XYLB: variants seen among roughly 807,000 people sequenced by gnomAD.
XYLB encodes xylulose kinase.
Under a neutral mutation model 78.7 loss-of-function variants are expected in XYLB, and 62 were observed. That is an observed-to-expected ratio of 0.79 (90% CI 0.64 to 0.97). XYLB has a LOEUF of 0.97. XYLB is among the 50% of genes least tolerant of loss of function. XYLB has a pLI of 0.00. For synonymous variants in XYLB, 245 were observed against 247.4 expected (o/e 0.99, Z 0.09); for missense variants, 687 against 676.8 (o/e 1.02, Z -0.17).
intron 2 of XYLB, among the ~76,000 whole-genome samples, chr3:38,358,795 A>T (rs906290900): frequency 3.3e-5 from 5 of 152,198 alleles, no homozygotes; most frequent in Non-Finnish European, 5.9e-5. Context: ...GTATCTTTTT[A>T]AAAAATCCAT....
intron 2 of XYLB, chr3:38,355,803 C>A: frequency 1.4e-6 from 1 of 703,624 alleles, no homozygotes; most frequent in Non-Finnish European, 2.6e-6. Context: ...TCCTGAATGA[C>A]TGCATGGAGC....
chr3:38,379,743 C>G (rs369689639), intron 15 of XYLB, among the ~76,000 whole-genome samples: 21 of 152,142 alleles, frequency 1.4e-4, no homozygotes, highest in African/African-American at 5.1e-4. Context: ...GGTCCCATTG[C>G]CTGTGGGACA....
At chr3:38,349,209 A>G (rs1307598585) in intron 2 of XYLB, among the ~76,000 whole-genome samples, 1 of 152,240 alleles carries the variant, frequency 6.6e-6, no homozygotes, top group Non-Finnish European at 1.5e-5. Context: ...TGTGGCAAGA[A>G]AGAGCATGGT....
chr3:38,402,234 G>A (rs1337076583), intron 18 of XYLB, among the ~76,000 whole-genome samples: 3 of 152,132 alleles, frequency 2.0e-5, no homozygotes, highest in Non-Finnish European at 4.4e-5. Flanking sequence ...GCCACCAAAG[G>A]AGACATTATC....
chr3:38,380,001 C>T (rs759416586), intron 15 of XYLB, among the ~76,000 whole-genome samples: 3 of 152,134 alleles, frequency 2.0e-5, no homozygotes, highest in Non-Finnish European at 2.9e-5. Context: ...AGGTAGAGGG[C>T]ATCACATGGT....
chr3:38,375,592 C>T (rs553571903), intron 12 of XYLB, among the ~76,000 whole-genome samples: 1 of 152,276 alleles, frequency 6.6e-6, no homozygotes, highest in Admixed American at 6.5e-5. Flanking sequence ...GAGCATTTAC[C>T]TCACATTGTT....
intron 2 of XYLB, among the ~76,000 whole-genome samples, chr3:38,359,745 A>G (rs1266475861): frequency 1.3e-5 from 2 of 152,204 alleles, no homozygotes; most frequent in Non-Finnish European, 2.9e-5. Flanking sequence ...TTGGCTGGAT[A>G]CTTAGGAATT....
At chr3:38,417,128 C>G (rs943829650), downstream of XYLB, among the ~76,000 whole-genome samples, 21 of 152,228 alleles carry the variant, frequency 1.4e-4, no homozygotes, top group African/African-American at 4.8e-4. Context: ...GAACTTTCTA[C>G]CTTGATAATA....
intron 10 of XYLB, among the ~76,000 whole-genome samples, chr3:38,374,184 G>A (rs964332835): frequency 2.6e-5 from 4 of 152,078 alleles, no homozygotes; most frequent in South Asian, 4.1e-4. Context: ...CTGCACTCTC[G>A]GAAGTGCCTG....
At chr3:38,358,633 C>T (rs555889202) in intron 2 of XYLB, among the ~76,000 whole-genome samples, 9 of 152,062 alleles carry the variant, frequency 5.9e-5, no homozygotes, top group East Asian at 5.8e-4. Flanking sequence ...TATGAGCCAC[C>T]GTGCCCAGCC....
At chr3:38,416,192 A>C (rs540134608), downstream of XYLB, among the ~76,000 whole-genome samples, 1 of 152,300 alleles carries the variant, frequency 6.6e-6, no homozygotes, top group African/African-American at 2.4e-5. Context: ...AACAAAACAA[A>C]AAAGAAGGGA....
At chr3:38,395,340 C>T (rs987930017) in intron 15 of XYLB, among the ~76,000 whole-genome samples, 165 bp from the exon 16 acceptor site, 2 of 152,142 alleles carry the variant, frequency 1.3e-5, no homozygotes, top group African/African-American at 4.8e-5. Flanking sequence ...TGTGACAGGC[C>T]TGCACACACA....
intron 14 of XYLB, 140 bp from the exon 15 acceptor site, chr3:38,379,106 C>A: frequency 1.3e-6 from 1 of 752,170 alleles, no homozygotes; most frequent in East Asian, 2.6e-5. Flanking sequence ...GTGTGACAGG[C>A]AAAGATAGTG....
At chr3:38,399,570 G>A (rs1708038522) in intron 17 of XYLB, among the ~76,000 whole-genome samples, 2 of 152,210 alleles carry the variant, frequency 1.3e-5, no homozygotes, top group Admixed American at 1.3e-4. Context: ...TACTTTTCCT[G>A]AGAACTGTGA....
At chr3:38,356,478 A>G (rs1705662913) in intron 2 of XYLB, 2 of 152,196 alleles carry the variant, frequency 1.3e-5, no homozygotes, top group African/African-American at 4.8e-5. Context: ...TGGCAACCAC[A>G]ATCAACTCTC....
rs1708095367 is a variant in XYLB at position 38,400,905 on chromosome 3, A to G, written c.1453A>G (p.Thr485Ala). 1 of 1,614,116 alleles carries G rather than the reference A, an allele frequency of 6.2e-7. No individual in the cohort carries two copies. Among genetic ancestry groups the G allele is most frequent in the African/African-American group, 1.3e-5 (1 of 75,030 alleles). Residue 485 changes from threonine (T) to alanine (A), a missense_variant, in exon 18 of 19, where the codon ACA becomes GCA. By Grantham distance (58) the Thr-to-Ala change is moderately conservative. Coordinates refer to ENST00000207870, the MANE Select transcript of XYLB (RefSeq NM_005108.4). ...YRAFHGLAGG[T>A]DVPFSEVVKL... Reference sequence around the variant, plus strand: ...TTCCCTTCTAGGTCTTGCAGGTGGAACAGATGTGCCCTTTTCAGAGGTTGT... The same window carrying G: ...TTCCCTTCTAGGTCTTGCAGGTGGAGCAGATGTGCCCTTTTCAGAGGTTGT...
downstream of XYLB, among the ~76,000 whole-genome samples, chr3:38,420,811 C>A (rs1038135298): frequency 2.0e-5 from 3 of 152,052 alleles, no homozygotes; most frequent in African/African-American, 4.8e-5. Context: ...ATAAACTGGC[C>A]ATAAACAGGA....
At chr3:38,376,768 A>G in intron 13 of XYLB, 150 bp from the exon 14 acceptor site, 1 of 620,962 alleles carries the variant, frequency 1.6e-6, no homozygotes, top group South Asian at 2.1e-5. Context: ...GAGAGAAGGA[A>G]CTGAGAATAT....
the XYLB span, among the ~76,000 whole-genome samples, chr3:38,444,475 T>C: frequency 1.3e-5 from 2 of 152,180 alleles, no homozygotes; most frequent in African/African-American, 4.8e-5. Context: ...AAGCTTTGCA[T>C]AGTTGTGGAT....
Sources: gnomAD v4.1 joint callset for allele counts (sites outside exome capture counted in the v4.1 genomes callset) on GRCh38, gnomAD v4.1.1 for gene constraint, MANE v1.5 for transcripts, NCBI Gene and HGNC (gene_info 2026-07-23, HGNC 2026-07-21) for gene names.